The following SFSWAP variants were observed in gnomAD, a reference collection of about 807,000 sequenced individuals.
SFSWAP encodes the protein splicing factor, suppressor of white-apricot homolog.
In SFSWAP, 17 loss-of-function variants were observed where a neutral mutation model predicts 100.7. The ratio of observed to expected loss-of-function variants is 0.17; its 90% CI spans 0.12 to 0.25. SFSWAP has a LOEUF of 0.25. SFSWAP is among the 10% of genes least tolerant of loss of function. SFSWAP has a pLI of 1.00. For missense variants in SFSWAP, 1,005 were observed against 1,262.6 expected (o/e 0.80, Z 3.09); for synonymous variants, 504 against 510.1 (o/e 0.99, Z 0.16).
chr12:131,782,845 A>G (rs1392839728), intron 14 of SFSWAP, among the ~76,000 whole-genome samples: 1 of 152,186 alleles, frequency 6.6e-6, no homozygotes, highest in African/African-American at 2.4e-5. Context: ...TTGCTTCTCA[A>G]AAAGTATACT....
At chr12:131,792,810 A>G (rs577334851) in intron 15 of SFSWAP, among the ~76,000 whole-genome samples, 3 of 152,348 alleles carry the variant, frequency 2.0e-5, no homozygotes, top group Non-Finnish European at 4.4e-5. Context: ...GTGCAGTCCC[A>G]CTCAGAGCTC....
At position 131,778,452 on chromosome 12, in the gene SFSWAP, A is replaced by G; in HGVS notation, c.2408+122A>G. ...CCGCTTTCATTAAGCAGACGCGTGT[A>G]TGCATGTGCATGTGTGCCCTGCAAG... On this transcript the variant is annotated intron_variant, in intron 14 of 17. Coordinates refer to ENST00000261674, the MANE Select transcript of SFSWAP (RefSeq NM_004592.4). This position sits in a 1 kb window ranked among gnomAD's most constrained non-coding sequence, Gnocchi z 4.2. The G allele has an allele frequency of 7.1e-7, 1 of 1,398,792 alleles. No individual in the cohort carries two copies. Among genetic ancestry groups the G allele is most frequent in the Non-Finnish European group, 9.6e-7 (1 of 1,039,218 alleles). 86.6% of individuals were successfully genotyped at this position (1,398,792 alleles called of 1,614,324 possible).
In SFSWAP at chr12:131,711,487, C is replaced by T; in HGVS notation, c.218+40C>T. The T allele has an allele frequency of 6.6e-7, 1 of 1,515,556 alleles. No homozygotes were observed. 93.9% of individuals were successfully genotyped at this position (1,515,556 alleles called of 1,614,324 possible). On this transcript the variant is annotated intron_variant, in intron 1 of 17. Coordinates refer to ENST00000261674, the MANE Select transcript of SFSWAP (RefSeq NM_004592.4). The surrounding 1 kb of genome is among the most constrained non-coding windows in gnomAD (Gnocchi z 4.9). ...CCACCCGTCGATCCTTCCCTTCCCT[C>T]ACCCGCTTGATCTCGTCTGATGTTG...
At chr12:131,792,203 G>A (rs189052804) in intron 15 of SFSWAP, among the ~76,000 whole-genome samples, 10 of 149,388 alleles carry the variant, frequency 6.7e-5, no homozygotes, top group South Asian at 6.3e-4. Flanking sequence ...GTGTGCGCCC[G>A]TGTGTGTTCA....
At chr12:131,735,401 A>G (rs1021679264) in intron 7 of SFSWAP, among the ~76,000 whole-genome samples, 3 of 152,166 alleles carry the variant, frequency 2.0e-5, no homozygotes, top group African/African-American at 7.2e-5. Flanking sequence ...GAAGCACTCT[A>G]TCGTATTCTG....
chr12:131,763,522 C>A (rs1882849823), intron 11 of SFSWAP, among the ~76,000 whole-genome samples: 1 of 152,114 alleles, frequency 6.6e-6, no homozygotes, highest in South Asian at 2.1e-4. Flanking sequence ...TTCTTTAGGG[C>A]CTCCATATTT....
intron 12 of SFSWAP, among the ~76,000 whole-genome samples, chr12:131,765,360 A>C (rs1487586262): frequency 3.9e-5 from 6 of 152,186 alleles, no homozygotes; most frequent in Non-Finnish European, 7.3e-5. Flanking sequence ...AAAGAGGCCA[A>C]TTTTCAGGCC....
At chr12:131,768,211 A>G (rs866662652) in intron 13 of SFSWAP, among the ~76,000 whole-genome samples, 5 of 152,190 alleles carry the variant, frequency 3.3e-5, no homozygotes, top group Non-Finnish European at 7.3e-5. Flanking sequence ...GATGGTGTCC[A>G]TCACTTCCTC....
Position 131,758,511 on chromosome 12 carries a change from C to T in SFSWAP, c.1720+1867C>T, listed in dbSNP as rs530542362. Among the ~76,000 whole-genome samples the T allele has an allele frequency of 4.6e-5, 7 of 152,294 alleles. No homozygotes were observed. In the South Asian group the frequency reaches 1.5e-3, roughly 32 times the overall value. On this transcript the variant is annotated intron_variant, in intron 11 of 17. Coordinates refer to ENST00000261674, the MANE Select transcript of SFSWAP (RefSeq NM_004592.4). ...AGATTCCAAAGTTCGGGAGACACAGCTGAGCCTCCAGGCATATGGGCATCT... is the reference window on the plus strand; with the variant it reads ...AGATTCCAAAGTTCGGGAGACACAGTTGAGCCTCCAGGCATATGGGCATCT...
At position 131,745,798 on chromosome 12, in the gene SFSWAP, T is replaced by G. The variant is rs1881050306; in HGVS notation, c.1082-7325T>G. 8.5e-5 allele frequency among the ~76,000 whole-genome samples: 13 copies of G among 152,108 alleles called. No individual in the cohort carries two copies. The South Asian group carries it at 2.7e-3, about 32-fold the overall frequency. ...AAAAAAAAAGGTAGTATTGTAGAAT[T>G]TTACATTAAATAGTGGAATTGCCAT... On this transcript the variant is annotated intron_variant, in intron 7 of 17. Transcript: ENST00000261674.
chr12:131,753,278 C>T lies in SFSWAP; in HGVS notation c.1237C>T (p.Pro413Ser). The change falls in exon 8 of 18, where the codon CCA becomes TCA. Residue 413 changes from proline (P) to serine (S), a missense_variant. Pro to Ser is a moderately conservative substitution (Grantham distance 74). This residue lies in a region of SFSWAP where 311 missense variants were observed against 317.8 expected (regional missense o/e 0.98). Coordinates refer to ENST00000261674, the MANE Select transcript of SFSWAP (RefSeq NM_004592.4). Reference sequence around the variant, plus strand: ...CTCCCCTGGAGTGACGACCACCGCCCCACCACCTCCTGGGACCACACCACT... The same window carrying T: ...CTCCCCTGGAGTGACGACCACCGCCTCACCACCTCCTGGGACCACACCACT... ...SNSPGVTTTA[P>S]PPPGTTPLPP... The T allele has an allele frequency of 6.2e-7, 1 of 1,613,470 alleles. No homozygotes were observed. The highest frequency in any genetic ancestry group is 8.5e-7 in the Non-Finnish European group (1 of 1,179,430).
rs377569365 is a variant in SFSWAP, at chr12:131,788,387, C to T, written c.2534+1799C>T. Among the ~76,000 whole-genome samples the T allele has an allele frequency of 1.7e-3, 256 of 152,248 alleles. 2 individuals are homozygous for T. Among genetic ancestry groups the T allele is most frequent in the Middle Eastern group, 3.4e-3 (1 of 294 alleles). ...AATTAAACCTGCAAACCAAAGTCTGCGGAGTGTTAAACTGTGATTCACTAG... is the reference window on the plus strand; with the variant it reads ...AATTAAACCTGCAAACCAAAGTCTGTGGAGTGTTAAACTGTGATTCACTAG... On this transcript the variant is annotated intron_variant, in intron 15 of 17. Coordinates refer to ENST00000261674, the MANE Select transcript of SFSWAP (RefSeq NM_004592.4).
intron 4 of SFSWAP, among the ~76,000 whole-genome samples, 170 bp downstream of exon 4, chr12:131,719,709 G>A (rs1260288120): frequency 6.6e-6 from 1 of 152,160 alleles, no homozygotes; most frequent in Non-Finnish European, 1.5e-5. Context: ...TTTCCCCAAA[G>A]GAAAAGGGAA....
chr12:131,792,077 A>G (rs1038315541), intron 15 of SFSWAP, among the ~76,000 whole-genome samples: 3 of 151,244 alleles, frequency 2.0e-5, no homozygotes, highest in African/African-American at 4.9e-5. Context: ...GTGTTCACGG[A>G]TCATTACTGT....
At chr12:131,731,268 C>T (rs947393121) in intron 7 of SFSWAP, among the ~76,000 whole-genome samples, 16 of 152,208 alleles carry the variant, frequency 1.1e-4, no homozygotes, top group African/African-American at 3.4e-4. Flanking sequence ...CCGGGCAGTG[C>T]GGCCATTCCA....
chr12:131,789,116 G>A (rs1278315606), intron 15 of SFSWAP, among the ~76,000 whole-genome samples: 1 of 152,152 alleles, frequency 6.6e-6, no homozygotes, highest in African/African-American at 2.4e-5. Flanking sequence ...GTGTAGCTGA[G>A]ACTACAGGCA....
chr12:131,740,423 A>G (rs1347254948), intron 7 of SFSWAP, among the ~76,000 whole-genome samples: 1 of 152,116 alleles, frequency 6.6e-6, no homozygotes, highest in Non-Finnish European at 1.5e-5. Context: ...GTCTTGCTTT[A>G]CCCTTAACTT....
chr12:131,733,611 C>T lies in SFSWAP; in HGVS notation c.1081+5183C>T, dbSNP rs1447191717. Reference sequence around the variant, plus strand: ...TTCACTGTGTTTCTTGGGGGCTCACCGACTGCAGCCGTATTCCTGGAGAGA... The same window carrying T: ...TTCACTGTGTTTCTTGGGGGCTCACTGACTGCAGCCGTATTCCTGGAGAGA... On this transcript the variant is annotated intron_variant, in intron 7 of 17. Transcript: ENST00000261674. The surrounding 1 kb of genome is among the most constrained non-coding windows in gnomAD (Gnocchi z 5.1). 3.3e-5 allele frequency among the ~76,000 whole-genome samples: 5 copies of T among 151,818 alleles called. No individual in the cohort carries two copies. The highest frequency in any genetic ancestry group is 1.9e-4 in the East Asian group (1 of 5,150).
Position 131,728,322 on chromosome 12 carries a change from C to T in SFSWAP, c.975C>T (p.Pro325=), listed in dbSNP as rs767477305. 6.2e-7 allele frequency: 1 copy of T among 1,614,198 alleles called. No homozygotes were observed. The highest frequency in any genetic ancestry group is 1.1e-5 in the South Asian group (1 of 91,086). The change falls in exon 7 of 18, where the codon CCC becomes CCT. Residue 325 remains proline, a synonymous_variant. Transcript: ENST00000261674. ...KPLKVVDPDH[P]LAALVRKAQA... ...TGAAGGTAGTGGACCCAGATCATCC[C>T]CTCGCAGCACTTGTTCGTAAGGCAC...
Sources: allele counts gnomAD v4.1 joint callset (sites outside exome capture counted in the v4.1 genomes callset), GRCh38; gene constraint gnomAD v4.1.1; regional missense constraint gnomAD v4.1.1; non-coding constraint Gnocchi (gnomAD v3.1); transcripts MANE v1.5; gene names NCBI Gene and HGNC (gene_info 2026-07-23, HGNC 2026-07-21).